Variants in INPP4B observed in about 807,000 individuals in gnomAD.
INPP4B encodes inositol polyphosphate 4-phosphatase type II.
A neutral mutation model predicts 122.5 loss-of-function variants in INPP4B; 55 were observed. The ratio of observed to expected loss-of-function variants is 0.45; its 90% CI spans 0.36 to 0.56. INPP4B has a LOEUF of 0.56. Ranked by LOEUF, INPP4B falls within the 20% of genes least tolerant of loss-of-function variation. INPP4B has a pLI of 0.00. For synonymous variants in INPP4B, 403 were observed against 388.7 expected (o/e 1.04, Z -0.43); for missense variants, 1,000 against 1,097.7 (o/e 0.91, Z 1.26).
At chr4:142,450,121 C>T (rs1282556884) in intron 3 of INPP4B, among the ~76,000 whole-genome samples, 1 of 152,156 alleles carries the variant, frequency 6.6e-6, no homozygotes, top group East Asian at 1.9e-4. Flanking sequence ...CTGTCCCCAG[C>T]TCTCACTCCC....
intron 23 of INPP4B, among the ~76,000 whole-genome samples, chr4:142,099,747 G>C (rs1783659828): frequency 6.6e-6 from 1 of 152,164 alleles, no homozygotes; most frequent in East Asian, 1.9e-4. Flanking sequence ...CATCATTACT[G>C]CTGAGTTGTT....
chr4:142,530,196 T>C (rs1044667853), intron 2 of INPP4B, among the ~76,000 whole-genome samples: 56 of 152,078 alleles, frequency 3.7e-4, no homozygotes, highest in African/African-American at 1.3e-3. Flanking sequence ...GTCCTGTCTT[T>C]TAAAAACCCA....
chr4:142,203,861 A>G (rs1841665090), intron 14 of INPP4B, among the ~76,000 whole-genome samples: 1 of 152,094 alleles, frequency 6.6e-6, no homozygotes, highest in Non-Finnish European at 1.5e-5. Context: ...AAATTAGACC[A>G]CATCCAAATA....
At chr4:142,327,383 C>T (rs993838707) in intron 7 of INPP4B, among the ~76,000 whole-genome samples, 2 of 151,920 alleles carry the variant, frequency 1.3e-5, no homozygotes, top group African/African-American at 4.8e-5. Context: ...ATCACCAAAC[C>T]CCCCATACAA....
intron 9 of INPP4B, among the ~76,000 whole-genome samples, chr4:142,299,144 T>TTTC (rs1760161726): frequency 6.8e-6 from 1 of 146,206 alleles, no homozygotes; most frequent in Admixed American, 6.8e-5. Context: ...TTCACTTTTT[T>TTTC]TTTCTTTCTT....
At chr4:142,711,331 T>A (rs1203668879) in intron 2 of INPP4B, among the ~76,000 whole-genome samples, 1 of 152,166 alleles carries the variant, frequency 6.6e-6, no homozygotes, top group Non-Finnish European at 1.5e-5. Flanking sequence ...CATAGCCCCT[T>A]TATAGAATAC....
intron 1 of INPP4B, among the ~76,000 whole-genome samples, chr4:142,843,415 G>C (rs900885522): frequency 6.6e-6 from 1 of 151,728 alleles, no homozygotes; most frequent in African/African-American, 2.4e-5. Flanking sequence ...ATTCCTTAAG[G>C]CTTTAGAAAG....
intron 2 of INPP4B, among the ~76,000 whole-genome samples, chr4:142,492,796 A>G (rs944876043): frequency 6.6e-6 from 1 of 152,194 alleles, no homozygotes; most frequent in Non-Finnish European, 1.5e-5. Context: ...TTTTCTGGGG[A>G]GAAATCCAAG....
intron 2 of INPP4B, among the ~76,000 whole-genome samples, chr4:142,673,498 T>C (rs1343857905): frequency 1.3e-5 from 2 of 152,106 alleles, no homozygotes; most frequent in Non-Finnish European, 2.9e-5. Flanking sequence ...ATAATACGTT[T>C]GCAACCTGAT....
rs1198920935 is a variant in INPP4B at position 142,650,512 on chromosome 4, A to T, written c.-191+75327T>A. 5.9e-5 allele frequency among the ~76,000 whole-genome samples: 9 copies of T among 152,178 alleles called. No homozygotes were observed. In the East Asian group the frequency reaches 1.7e-3, roughly 29 times the overall value. On this transcript the variant is annotated intron_variant, in intron 2 of 25. Transcript: ENST00000262992. ...ACACATATAGGCTCAAAATAAAGGG[A>T]TAAAGGAAGATCTACCTTCAAATGG...
At chr4:142,521,606 G>A (rs1826079209) in intron 2 of INPP4B, among the ~76,000 whole-genome samples, 1 of 151,842 alleles carries the variant, frequency 6.6e-6, no homozygotes, top group Admixed American at 6.6e-5. Context: ...TACAATTAAG[G>A]CCATCCTGAC....
At chr4:142,800,608 T>A (rs1368265130) in intron 1 of INPP4B, among the ~76,000 whole-genome samples, 1 of 152,168 alleles carries the variant, frequency 6.6e-6, no homozygotes, top group Admixed American at 6.6e-5. Flanking sequence ...TTTGCTTGGA[T>A]CTCTTAGTAT....
At chr4:142,752,121 C>T (rs1222929868) in intron 1 of INPP4B, among the ~76,000 whole-genome samples, 1 of 151,984 alleles carries the variant, frequency 6.6e-6, no homozygotes, top group East Asian at 1.9e-4. Flanking sequence ...TCCTCTAAGA[C>T]CTACTTAAGG....
chr4:142,521,645 A>G lies in INPP4B; in HGVS notation c.-190-58919T>C, dbSNP rs189725974. ...TTTTGTTTCCTTCTTCCTTCTTCAG[A>G]GATTACCAGTAGTCTGAAATTGGTA... On this transcript the variant is annotated intron_variant, in intron 2 of 25. Transcript: ENST00000262992. Among the ~76,000 whole-genome samples, 217 of 152,130 alleles carry G rather than the reference A, an allele frequency of 1.4e-3. 2 individuals are homozygous for G. Among genetic ancestry groups the G allele is most frequent in the African/African-American group, 5.1e-3 (212 of 41,546 alleles).
intron 7 of INPP4B, among the ~76,000 whole-genome samples, chr4:142,338,011 A>G (rs1777432260): frequency 6.6e-6 from 1 of 151,928 alleles, no homozygotes; most frequent in African/African-American, 2.4e-5. Context: ...TTTGCACTCT[A>G]GAAGTGATTT....
chr4:142,580,001 C>T (rs1191401711), intron 2 of INPP4B, among the ~76,000 whole-genome samples: 5 of 151,290 alleles, frequency 3.3e-5, no homozygotes, highest in Admixed American at 6.6e-5. Flanking sequence ...CAGAGACCCC[C>T]AAGGGAAGAT....
intron 1 of INPP4B, among the ~76,000 whole-genome samples, chr4:142,812,468 T>TTCA: frequency 6.6e-6 from 1 of 152,194 alleles, no homozygotes; most frequent in Non-Finnish European, 1.5e-5. Context: ...TTTTAATAAA[T>TTCA]ATAGCTGTTT....
chr4:142,587,626 A>G (rs1736510594), intron 2 of INPP4B, among the ~76,000 whole-genome samples: 1 of 152,122 alleles, frequency 6.6e-6, no homozygotes, highest in Non-Finnish European at 1.5e-5. Flanking sequence ...CATAATAATC[A>G]CATCAGGGTA....
At chr4:142,831,782 T>C (rs1782166583) in intron 1 of INPP4B, among the ~76,000 whole-genome samples, 1 of 152,204 alleles carries the variant, frequency 6.6e-6, no homozygotes, top group Non-Finnish European at 1.5e-5. Context: ...CAGTCCTCCA[T>C]TAAGAGATAG....
Sources: gnomAD v4.1 joint callset for allele counts (sites outside exome capture counted in the v4.1 genomes callset) on GRCh38, gnomAD v4.1.1 for gene constraint, MANE v1.5 for transcripts, NCBI Gene and HGNC (gene_info 2026-07-23, HGNC 2026-07-21) for gene names.